SLC26A4: variants seen among roughly 807,000 people sequenced by gnomAD.
SLC26A4 encodes the protein pendrin.
A neutral mutation model predicts 90.4 loss-of-function variants in SLC26A4; 93 were observed. The observed-to-expected ratio is 1.03, with a 90% CI of 0.87 to 1.22. The LOEUF is 1.22. SLC26A4 is among the 50% of genes most tolerant of loss of function. SLC26A4 has a pLI of 0.00. For synonymous variants in SLC26A4, 393 were observed against 354.6 expected, an observed-to-expected ratio of 1.11 and a Z score of -1.22; for missense variants, 1,127 against 946.2, an observed-to-expected ratio of 1.19 and a Z score of -2.51.
rs1554358062 is a variant in SLC26A4, at chr7:107,686,443, T to TTCTTTCTTTCTTTCTTTCTTTCTTTC, written c.1002-2597_1002-2596insCTTTCTTTCTTTCTCTTTCTTTCTTT. Among the ~76,000 whole-genome samples the TTCTTTCTTTCTTTCTTTCTTTCTTTC allele has an allele frequency of 5.5e-5, 8 of 146,776 alleles. No individual in the cohort carries two copies. In the East Asian group the frequency reaches 1.6e-3, roughly 30 times the overall value. On this transcript the variant is annotated intron_variant, in intron 8 of 20. Coordinates refer to ENST00000644269, the MANE Select transcript of SLC26A4 (RefSeq NM_000441.2). ...TTTCTTTCTTTCTTTCTTTCTTTCTTTCTTTCTTTCTTTTCTTTCTTTCCT... is the reference window on the plus strand; with the variant it reads ...TTTCTTTCTTTCTTTCTTTCTTTCTTTCTTTCTTTCTTTCTTTCTTTCTTTCTCTTTCTTTCTTTTCTTTCTTTCCT...
chr7:107,692,328 A>T (rs1791598161), intron 10 of SLC26A4, among the ~76,000 whole-genome samples: 1 of 152,200 alleles, frequency 6.6e-6, no homozygotes, highest in Non-Finnish European at 1.5e-5. Context: ...GGACAAATAA[A>T]CTGGCAGGGC....
chr7:107,698,061 G>A lies in SLC26A4; in HGVS notation c.1564G>A (p.Gly522Arg). Reference protein sequence around the residue: ...RVQFPSWNGLGSIPSTDIYKS... With the variant: ...RVQFPSWNGLRSIPSTDIYKS... ...TTCTAGTCCTTCTTGGAATGGCCTT[G>A]GAAGCATCCCTAGCACAGATATCTA... Residue 522 changes from glycine (G) to arginine (R), a missense_variant, in exon 14 of 21, where the codon GGA (glycine) becomes AGA (arginine). Gly to Arg is a moderately radical substitution (Grantham distance 125, BLOSUM62 -2). Transcript: ENST00000644269. 1 of 1,609,110 alleles carries A rather than the reference G, an allele frequency of 6.2e-7. No homozygotes were observed. The highest frequency in any genetic ancestry group is 8.5e-7 in the Non-Finnish European group (1 of 1,175,570).
At chr7:107,705,896 G>A (rs1792025736) in intron 18 of SLC26A4, among the ~76,000 whole-genome samples, 2 of 152,164 alleles carry the variant, frequency 1.3e-5, no homozygotes. Flanking sequence ...AACTCTCTAT[G>A]TGGCCCACAG....
intron 18 of SLC26A4, among the ~76,000 whole-genome samples, chr7:107,708,702 TAA>T (rs112605667): frequency 2.1e-4 from 30 of 144,180 alleles, no homozygotes; most frequent in African/African-American, 7.2e-4. Flanking sequence ...ATTTTTTTTT[TAA>T]AAAACAAAAA....
intron 3 of SLC26A4, among the ~76,000 whole-genome samples, chr7:107,665,413 A>G (rs1790680206): frequency 6.6e-6 from 1 of 152,112 alleles, no homozygotes; most frequent in African/African-American, 2.4e-5. Context: ...TGTGGTTCCT[A>G]AGTTAAACAA....
chr7:107,712,260 A>AG (rs1209599243), intron 19 of SLC26A4, among the ~76,000 whole-genome samples: 1 of 152,192 alleles, frequency 6.6e-6, no homozygotes, highest in East Asian at 1.9e-4. Context: ...ATTTAGGCAG[A>AG]GGGGGTGACT....
At chr7:107,710,652 A>G (rs1792159670) in intron 19 of SLC26A4, among the ~76,000 whole-genome samples, 1 of 152,214 alleles carries the variant, frequency 6.6e-6, no homozygotes, top group Admixed American at 6.5e-5. Flanking sequence ...ATCAAGCCAC[A>G]AAGAAGCCCA....
At chr7:107,672,638 C>T (rs534719435) in intron 4 of SLC26A4, among the ~76,000 whole-genome samples, 2 of 151,994 alleles carry the variant, frequency 1.3e-5, no homozygotes, top group Non-Finnish European at 2.9e-5. Context: ...TTGAACCTAC[C>T]ATTTTACTGG....
At chr7:107,701,311 G>A in intron 16 of SLC26A4, 115 bp downstream of exon 16, 1 of 729,870 alleles carries the variant, frequency 1.4e-6, no homozygotes, top group Non-Finnish European at 2.5e-6. Context: ...ATGAACAAAT[G>A]ACATGTACGT....
At position 107,715,297 on chromosome 7, in the gene SLC26A4, T is replaced by C. The variant is rs1053785391; in HGVS notation, c.2320-126T>C. 3.3e-5 allele frequency: 27 copies of C among 812,276 alleles called. No individual in the cohort carries two copies. The African/African-American group carries it at 4.1e-4, about 12-fold the overall frequency. The allele number at this position is 812,276 out of a possible 1,614,324, so 50.3% of individuals were successfully genotyped here. On this transcript the variant is annotated intron_variant, in intron 20 of 20. Transcript: ENST00000644269. Reference sequence around the variant, plus strand: ...AGTTTTTACCCTATTTCTATTGTGATGATATACACCTAAGATGAGTAGCAG... The same window carrying C: ...AGTTTTTACCCTATTTCTATTGTGACGATATACACCTAAGATGAGTAGCAG...
At chr7:107,671,513 T>C (rs1177335594) in intron 3 of SLC26A4, among the ~76,000 whole-genome samples, 1 of 152,222 alleles carries the variant, frequency 6.6e-6, no homozygotes, top group African/African-American at 2.4e-5. Flanking sequence ...ATCTGATTGG[T>C]GGAAGACTGA....
At chr7:107,684,746 A>G (rs1173283619) in intron 8 of SLC26A4, among the ~76,000 whole-genome samples, 1 of 152,220 alleles carries the variant, frequency 6.6e-6, no homozygotes, top group Non-Finnish European at 1.5e-5. Context: ...CTTGCCCTCA[A>G]GGAAACTGGA....
rs1790622869 is a variant in SLC26A4, at chr7:107,663,425, C to T, written c.294C>T (p.Ala98=). 1 of 1,613,998 alleles carries T rather than the reference C, an allele frequency of 6.2e-7. No individual in the cohort carries two copies. ...CGGGAGTTAGTACTGGGCTAGTGGC[C>T]ACGCTGCAAGGTAAGATGTTGGCAG... ...VISGVSTGLV[A]TLQGMAYALL... The change falls in exon 3 of 21, where the codon GCC becomes GCT. Residue 98 remains alanine, a synonymous_variant. Transcript: ENST00000644269.
intron 14 of SLC26A4, among the ~76,000 whole-genome samples, chr7:107,698,671 G>A (rs535992185): frequency 6.6e-6 from 1 of 152,158 alleles, no homozygotes; most frequent in South Asian, 2.1e-4. Flanking sequence ...AAAATAATAG[G>A]CAATTTCTAG....
At chr7:107,708,847 G>A (rs112616432) in intron 18 of SLC26A4, among the ~76,000 whole-genome samples, 3,695 of 151,936 alleles carry the variant, frequency 0.024, 148 homozygotes, top group African/African-American at 0.084. Context: ...ATGGGGGGAT[G>A]TTGTTATGAG....
chr7:107,700,947 A>G (rs1234378449), intron 15 of SLC26A4, among the ~76,000 whole-genome samples, 154 bp from the exon 16 acceptor site: 1 of 152,132 alleles, frequency 6.6e-6, no homozygotes, highest in Non-Finnish European at 1.5e-5. Context: ...CTGGGAGTAG[A>G]CAGAGATCTA....
At chr7:107,707,147 A>T (rs1376665840) in intron 18 of SLC26A4, among the ~76,000 whole-genome samples, 10 of 152,238 alleles carry the variant, frequency 6.6e-5, no homozygotes, top group Admixed American at 6.5e-4. Context: ...AAAAAATAAA[A>T]AAAAAGTATG....
At chr7:107,693,306 C>A in intron 10 of SLC26A4, 1 of 985,330 alleles carries the variant, frequency 1.0e-6, no homozygotes, top group Non-Finnish European at 1.2e-6. Flanking sequence ...ATACAAAGCA[C>A]GCTTTTTAGT....
At position 107,689,053 on chromosome 7, in the gene SLC26A4, G is replaced by T. The variant is rs1791494228; in HGVS notation, c.1002G>T (p.Gly334=). The T allele has an allele frequency of 6.2e-7, 1 of 1,613,698 alleles. No individual in the cohort carries two copies. Among genetic ancestry groups the T allele is most frequent in the African/African-American group, 1.3e-5 (1 of 74,876 alleles). ...CATTTTTCACTTAAAAACTCACTAG[G>T]TTTTTGCCTCCTGAACTTCCACCTG... is the stretch of plus-strand genomic sequence containing the variant. ...NAGIVKSIPR[G]FLPPELPPVS... The change falls in exon 9 of 21, where the codon GGG becomes GGT. Residue 334 remains glycine (G), a splice_region_variant and synonymous_variant. Transcript: ENST00000644269.
Sources: allele counts gnomAD v4.1 joint callset (sites outside exome capture counted in the v4.1 genomes callset), GRCh38; gene constraint gnomAD v4.1.1; transcripts MANE v1.5; gene names NCBI Gene and HGNC (gene_info 2026-07-23, HGNC 2026-07-21).